Variants in XDH observed in about 807,000 individuals in gnomAD.
The protein encoded by XDH is xanthine dehydrogenase, also known as xanthine dehydrogenase/oxidase.
In XDH, 138 loss-of-function variants were observed where a neutral mutation model predicts 156.1. That is an observed-to-expected ratio of 0.88 (90% CI 0.77 to 1.02). The LOEUF (loss-of-function observed/expected upper bound fraction) is 1.02, where lower values mean the gene tolerates loss of function less well. Ranked by LOEUF, XDH falls within the 50% of genes least tolerant of loss-of-function variation. XDH has a pLI of 0.00. For missense variants in XDH, 1,849 were observed against 1,684.9 expected, an observed-to-expected ratio of 1.10 and a Z score of -1.71; for synonymous variants, 669 against 625.7, an observed-to-expected ratio of 1.07 and a Z score of -1.03.
intron 24 of XDH, among the ~76,000 whole-genome samples, chr2:31,363,932 T>C (rs1685841524): frequency 6.6e-6 from 1 of 152,186 alleles, no homozygotes; most frequent in South Asian, 2.1e-4. Context: ...ACTTGCTAGC[T>C]TGGCAAATTA....
In XDH at chr2:31,388,262, G is replaced by T; in HGVS notation, c.529C>A (p.Pro177Thr). 3 of 1,614,130 alleles carry T rather than the reference G, an allele frequency of 1.9e-6. No homozygotes were observed. Among genetic ancestry groups the T allele is most frequent in the Non-Finnish European group, 2.5e-6 (3 of 1,180,022 alleles). The change falls in exon 7 of 36, where the codon CCA becomes ACA. Residue 177 changes from proline (P) to threonine (T), a missense_variant. Pro to Thr is a conservative substitution (Grantham distance 38, BLOSUM62 -1). Transcript: ENST00000379416. ...TTCTTCTGGTTCATGCAGCAATTTG[G>T]ATTATTCCCATCTCCTCCACAGCAT... ...GGCCGGDGNN[P>T]NCCMNQKKDH...
chr2:31,387,253 T>A lies in XDH; in HGVS notation c.651+558A>T, dbSNP rs1483841352. Among the ~76,000 whole-genome samples, 5 of 152,216 alleles carry A rather than the reference T, an allele frequency of 3.3e-5. No individual in the cohort carries two copies. The East Asian group carries it at 9.6e-4, about 29-fold the overall frequency. ...TCATAGCTCAAAACTCTGAGAAGTG[T>A]GCACTTCAAAAACTCCGAGTGGCTT... On this transcript the variant is annotated intron_variant, in intron 8 of 35. Coordinates refer to ENST00000379416, the MANE Select transcript of XDH (RefSeq NM_000379.4).
Position 31,371,291 on chromosome 2 carries a change from C to A in XDH, c.1857-813G>T, listed in dbSNP as rs1435020001. ...CCATCTTCCAAATGCTTAATCCTCA[C>A]AAGAAACCCTGAAAGTACTTATCCT... On this transcript the variant is annotated intron_variant, in intron 17 of 35. Transcript: ENST00000379416. Among the ~76,000 whole-genome samples, 3 of 152,218 alleles carry A rather than the reference C, an allele frequency of 2.0e-5. No homozygotes were observed. The East Asian group carries it at 5.8e-4, about 29-fold the overall frequency.
chr2:31,396,979 TGA>T (rs1686926305), intron 6 of XDH, among the ~76,000 whole-genome samples: 1 of 152,128 alleles, frequency 6.6e-6, no homozygotes, highest in Admixed American at 6.5e-5. Context: ...AGAATCAAAC[TGA>T]AATGAGATGG....
rs964402379 is a variant in XDH, at chr2:31,370,293, T to C, written c.1980+62A>G. 4.9e-5 allele frequency: 78 copies of C among 1,582,206 alleles called. 1 individual carries two copies. The African/African-American group carries it at 9.3e-4, about 19-fold the overall frequency. On this transcript the variant is annotated intron_variant, in intron 18 of 35. Coordinates refer to ENST00000379416, the MANE Select transcript of XDH (RefSeq NM_000379.4). ...TCCAGATCAGGAGTTTGGAGCAATGTACACAAATTAAAACTTCAATACTTA... is the reference window on the plus strand; with the variant it reads ...TCCAGATCAGGAGTTTGGAGCAATGCACACAAATTAAAACTTCAATACTTA...
intron 6 of XDH, among the ~76,000 whole-genome samples, chr2:31,392,299 T>G (rs1211796803): frequency 6.6e-6 from 1 of 152,012 alleles, no homozygotes; most frequent in Non-Finnish European, 1.5e-5. Flanking sequence ...TCAATGAAAT[T>G]GATTTTTGCT....
intron 3 of XDH, 101 bp from the exon 4 acceptor site, chr2:31,401,429 G>C (rs1002437188): frequency 8.5e-7 from 1 of 1,174,130 alleles, no homozygotes; most frequent in Admixed American, 2.0e-5. Flanking sequence ...TTTATGTTAC[G>C]TCTCTCCGCT....
In XDH at chr2:31,409,097, T is replaced by C. The variant is rs190027720; in HGVS notation, c.43-3133A>G. On this transcript the variant is annotated intron_variant, in intron 1 of 35. Transcript: ENST00000379416. ...TGTGGGAGCTAAAAATCAAAACAAT[T>C]GAACTCATGGAGATAGAGTAGAAGG... Among the ~76,000 whole-genome samples, 301 of 152,136 alleles carry C rather than the reference T, an allele frequency of 2.0e-3. 2 individuals carry two copies. Among genetic ancestry groups the C allele is most frequent in the African/African-American group, 6.0e-3 (248 of 41,506 alleles).
rs2148747272 is a variant in XDH, at chr2:31,337,814, C to T, written c.3778G>A (p.Val1260Ile). 1 of 1,614,030 alleles carries T rather than the reference C, an allele frequency of 6.2e-7. No individual in the cohort carries two copies. The highest frequency in any genetic ancestry group is 8.5e-7 in the Non-Finnish European group (1 of 1,179,982). The change falls in exon 35 of 36, where the codon GTT becomes ATT. Residue 1260 changes from valine to isoleucine, a missense_variant. Val to Ile is a conservative substitution (Grantham distance 29, BLOSUM62 3). Transcript: ENST00000379416. ...NKKAIYASKA[V>I]GEPPLFLAAS... The stretch of plus-strand genomic sequence containing the variant: ...GCCAGGAAGAGGGGCGGCTCTCCAA[C>T]AGCCTGAACACAGACAGGGCACAGG...
chr2:31,339,803 A>G (rs1400770772), intron 33 of XDH, 126 bp from the exon 34 acceptor site: 5 of 1,232,290 alleles, frequency 4.1e-6, no homozygotes, highest in Middle Eastern at 2.4e-4. Flanking sequence ...ACTGCCCTCT[A>G]TTGCTTACCT....
intron 24 of XDH, among the ~76,000 whole-genome samples, chr2:31,352,885 C>T (rs1572520510): frequency 7.1e-6 from 1 of 140,336 alleles, no homozygotes; most frequent in Non-Finnish European, 1.5e-5. Flanking sequence ...AAACTTTAAC[C>T]TTTTTTTTTT....
chr2:31,397,491 A>G (rs1436067860), intron 6 of XDH, among the ~76,000 whole-genome samples, 177 bp downstream of exon 6: 2 of 152,194 alleles, frequency 1.3e-5, no homozygotes, highest in Non-Finnish European at 2.9e-5. Flanking sequence ...CCTTCCCTGA[A>G]TAAGAATGGC....
At chr2:31,391,838 G>A (rs1181499198) in intron 6 of XDH, among the ~76,000 whole-genome samples, 1 of 152,148 alleles carries the variant, frequency 6.6e-6, no homozygotes. Context: ...ATTAACTTTT[G>A]TATTGCCTCT....
At position 31,335,591 on chromosome 2, in the gene XDH, G is replaced by A; in HGVS notation, c.*367C>T. 2.7e-6 allele frequency: 1 copy of A among 363,992 alleles called. No homozygotes were observed. The highest frequency in any genetic ancestry group is 5.2e-6 in the Non-Finnish European group (1 of 191,930). 22.5% of individuals were successfully genotyped at this position (363,992 alleles called of 1,614,324 possible). The stretch of plus-strand genomic sequence containing the variant: ...CTTCGGTTTAAGCTTCTAGAGGTTT[G>A]TGGGAATCCTCTTCAAAGGACAGAC... On this transcript the variant is annotated 3_prime_UTR_variant, in exon 36 of 36. Transcript: ENST00000379416.
intron 4 of XDH, 79 bp downstream of exon 4, chr2:31,401,141 A>G: frequency 6.6e-7 from 1 of 1,522,196 alleles, no homozygotes; most frequent in South Asian, 1.2e-5. Context: ...ACCCAAAGCA[A>G]GTCTGCAACT....
At chr2:31,343,285 CATATATATATATATAT>C (rs60481824) in intron 31 of XDH, among the ~76,000 whole-genome samples, 823 of 68,346 alleles carry the variant, frequency 0.012, 25 homozygotes, top group South Asian at 0.016. Flanking sequence ...ATTTCTTCAC[CATATATATATATATAT>C]ATATATATAT....
intron 6 of XDH, among the ~76,000 whole-genome samples, chr2:31,394,829 C>T (rs1320992387): frequency 6.6e-6 from 1 of 152,096 alleles, no homozygotes; most frequent in Non-Finnish European, 1.5e-5. Context: ...ACTAATGAGC[C>T]CACCGAAGGT....
intron 24 of XDH, among the ~76,000 whole-genome samples, chr2:31,360,615 T>G (rs1257429419): frequency 6.6e-6 from 1 of 152,248 alleles, no homozygotes; most frequent in African/African-American, 2.4e-5. Flanking sequence ...TTATCCACAC[T>G]GTGTACTACC....
chr2:31,346,456 C>T (rs549797031), intron 30 of XDH, among the ~76,000 whole-genome samples: 12 of 152,204 alleles, frequency 7.9e-5, no homozygotes, highest in South Asian at 4.2e-4. Flanking sequence ...CAAGACAATC[C>T]GATGAGGCAT....
Sources: gnomAD v4.1 joint callset for allele counts (sites outside exome capture counted in the v4.1 genomes callset) on GRCh38, gnomAD v4.1.1 for gene constraint, MANE v1.5 for transcripts, NCBI Gene and HGNC (gene_info 2026-07-23, HGNC 2026-07-21) for gene names.